Variants in GRIP1 observed in about 807,000 individuals in gnomAD.
GRIP1 encodes the protein glutamate receptor-interacting protein 1.
GRIP1 carries 45 observed loss-of-function variants against 129.9 expected under a neutral mutation model. That is an observed-to-expected ratio of 0.35 (90% CI 0.27 to 0.44). GRIP1 has a LOEUF of 0.44. Ranked by LOEUF, GRIP1 falls within the 20% of genes least tolerant of loss-of-function variation. GRIP1 has a pLI of 1.00. For synonymous variants in GRIP1, 530 were observed against 520.8 expected, an observed-to-expected ratio of 1.02 and a Z score of -0.24; for missense variants, 1,196 against 1,396.8, an observed-to-expected ratio of 0.86 and a Z score of 2.29.
chr12:66,414,413 A>T (rs1170725049), intron 15 of GRIP1, among the ~76,000 whole-genome samples: 3 of 152,150 alleles, frequency 2.0e-5, no homozygotes, highest in African/African-American at 4.8e-5. Context: ...CTTCATGGAG[A>T]ACTACAAACC....
intron 1 of GRIP1, among the ~76,000 whole-genome samples, chr12:66,821,941 G>A (rs1179898494): frequency 6.6e-6 from 1 of 152,076 alleles, no homozygotes; most frequent in Admixed American, 6.6e-5. Flanking sequence ...GCTCCTAGAT[G>A]ATGAGCATAC....
chr12:66,617,798 G>A (rs2065108906), intron 1 of GRIP1, among the ~76,000 whole-genome samples: 1 of 151,448 alleles, frequency 6.6e-6, no homozygotes, highest in South Asian at 2.1e-4. Context: ...CATAAGAAAT[G>A]CATATTAAAG....
chr12:66,453,951 A>T (rs985464652), intron 11 of GRIP1, among the ~76,000 whole-genome samples: 1 of 152,086 alleles, frequency 6.6e-6, no homozygotes, highest in African/African-American at 2.4e-5. Context: ...AACACATGGG[A>T]CTCCAGGAGT....
intron 1 of GRIP1, among the ~76,000 whole-genome samples, chr12:66,770,985 C>T (rs1592829042): frequency 6.6e-6 from 1 of 152,032 alleles, no homozygotes. Context: ...CCCAGCTACT[C>T]GGGAGGCTGA....
intron 1 of GRIP1, among the ~76,000 whole-genome samples, chr12:66,926,195 TCA>T (rs1370685764): frequency 6.6e-6 from 1 of 152,138 alleles, no homozygotes; most frequent in Non-Finnish European, 1.5e-5. Flanking sequence ...TTTAAAATTC[TCA>T]GTGTTCTACA....
chr12:66,918,530 T>G (rs931458201), intron 1 of GRIP1, among the ~76,000 whole-genome samples: 7 of 152,156 alleles, frequency 4.6e-5, no homozygotes, highest in Non-Finnish European at 8.8e-5. Flanking sequence ...ACCAATGATA[T>G]TCCCAAATGT....
chr12:66,987,558 T>C (rs1279111107), intron 1 of GRIP1, among the ~76,000 whole-genome samples: 1 of 152,172 alleles, frequency 6.6e-6, no homozygotes, highest in Non-Finnish European at 1.5e-5. Context: ...AACAGAGATA[T>C]GTCTGCCAGA....
chr12:67,040,898 T>C (rs1209327820), intron 1 of GRIP1, among the ~76,000 whole-genome samples: 1 of 152,108 alleles, frequency 6.6e-6, no homozygotes, highest in African/African-American at 2.4e-5. Context: ...CTGAGATTTG[T>C]ATTTAAATTG....
intron 1 of GRIP1, among the ~76,000 whole-genome samples, chr12:66,909,614 G>A (rs963860093): frequency 2.0e-5 from 3 of 152,144 alleles, no homozygotes; most frequent in South Asian, 2.1e-4. Flanking sequence ...TTTACTAAGT[G>A]CCTAAAGAAT....
chr12:66,604,378 T>C (rs186040798), intron 1 of GRIP1, among the ~76,000 whole-genome samples: 2 of 152,230 alleles, frequency 1.3e-5, no homozygotes, highest in Admixed American at 6.5e-5. Flanking sequence ...TGATAACTCC[T>C]ATGCTTCTTC....
At chr12:66,690,158 A>T (rs1464895337) in intron 1 of GRIP1, among the ~76,000 whole-genome samples, 1 of 152,028 alleles carries the variant, frequency 6.6e-6, no homozygotes, top group African/African-American at 2.4e-5. Flanking sequence ...GGGCTCAAGC[A>T]ATCCTCCTGC....
chr12:66,670,027 A>C (rs537826482), intron 1 of GRIP1, among the ~76,000 whole-genome samples: 2 of 152,354 alleles, frequency 1.3e-5, no homozygotes, highest in Admixed American at 1.3e-4. Context: ...TAACCAATGA[A>C]GTCTACTCTT....
chr12:66,581,282 A>C (rs932382904), intron 2 of GRIP1, among the ~76,000 whole-genome samples: 2 of 151,700 alleles, frequency 1.3e-5, no homozygotes, highest in African/African-American at 4.8e-5. Flanking sequence ...GATAGCACTA[A>C]ATGCCCACAA....
At chr12:66,430,015 AT>A (rs1450295084) in intron 14 of GRIP1, among the ~76,000 whole-genome samples, 1 of 152,208 alleles carries the variant, frequency 6.6e-6, no homozygotes, top group African/African-American at 2.4e-5. Context: ...AAACATTTAT[AT>A]TCATTTATCA....
chr12:66,840,871 G>A lies in GRIP1; in HGVS notation c.58+228179C>T, dbSNP rs11176444. Among the ~76,000 whole-genome samples, 1,441 of 152,202 alleles carry A rather than the reference G, an allele frequency of 9.5e-3. 12 individuals are homozygous for A. The highest frequency in any genetic ancestry group is 0.015 in the Non-Finnish European group (1,033 of 68,012). On this transcript the variant is annotated intron_variant, in intron 1 of 1. Transcript: ENST00000643019. ...CAGTGAGCCTCTTTTTGTTTTTAAA[G>A]GGCAGGTCACTCAGCTACTATTTTC...
At chr12:66,594,186 G>A (rs1388381785) in intron 2 of GRIP1, among the ~76,000 whole-genome samples, 1 of 152,000 alleles carries the variant, frequency 6.6e-6, no homozygotes, top group Non-Finnish European at 1.5e-5. Context: ...CCTCTGCATG[G>A]AGAAGGTCAG....
chr12:66,576,656 T>C (rs1362287162), intron 2 of GRIP1, among the ~76,000 whole-genome samples: 1 of 152,250 alleles, frequency 6.6e-6, no homozygotes, highest in Non-Finnish European at 1.5e-5. Context: ...ATAACACCTC[T>C]GTTTTTTAAA....
intron 1 of GRIP1, among the ~76,000 whole-genome samples, chr12:66,889,438 GC>G (rs1749214025): frequency 6.6e-6 from 1 of 152,168 alleles, no homozygotes; most frequent in African/African-American, 2.4e-5. Context: ...TCCAGCCTGG[GC>G]AACAAGAGTG....
At chr12:66,607,745 G>A (rs2064601912) in intron 1 of GRIP1, among the ~76,000 whole-genome samples, 1 of 152,170 alleles carries the variant, frequency 6.6e-6, no homozygotes, top group African/African-American at 2.4e-5. Context: ...AGCTCATGCA[G>A]CAGAGTCACT....
Sources: gnomAD v4.1 joint callset for allele counts (sites outside exome capture counted in the v4.1 genomes callset) on GRCh38, gnomAD v4.1.1 for gene constraint, MANE v1.5 for transcripts, NCBI Gene and HGNC (gene_info 2026-07-23, HGNC 2026-07-21) for gene names.